Variants in KLF8 observed in about 807,000 individuals in gnomAD.
The protein encoded by KLF8 is Krueppel-like factor 8.
In KLF8, 10 loss-of-function variants were observed where a neutral mutation model predicts 18.2. That is an observed-to-expected ratio of 0.55 (90% CI 0.34 to 0.93). The LOEUF is 0.93. KLF8 is among the 40% of genes least tolerant of loss of function. KLF8 has a pLI of 0.02. For missense variants in KLF8, 264 were observed against 277.9 expected (o/e 0.95, Z 0.36); for synonymous variants, 109 against 97.3 (o/e 1.12, Z -0.71).
At chrX:56,103,813 G>A in the KLF8 span, among the ~76,000 whole-genome samples, 1 of 111,273 alleles carries the variant, frequency 9.0e-6, no homozygotes, top group Non-Finnish European at 1.9e-5. Flanking sequence ...AATGCTTCCA[G>A]TTTTTGCCCA....
At chrX:56,203,594 AC>A in the KLF8 span, among the ~76,000 whole-genome samples, 1 of 112,359 alleles carries the variant, frequency 8.9e-6, no homozygotes, top group Non-Finnish European at 1.9e-5. Context: ...TTTTGATTTT[AC>A]TTTCGTATAT....
upstream of KLF8, among the ~76,000 whole-genome samples, chrX:56,231,621 G>T (rs73490537): frequency 2.7e-5 from 3 of 111,520 alleles, no homozygotes; most frequent in Non-Finnish European, 3.8e-5. Flanking sequence ...ATGGGCTGTG[G>T]TTGCTTGTGA....
At chrX:56,181,311 T>C in the KLF8 span, among the ~76,000 whole-genome samples, 4 of 111,333 alleles carry the variant, frequency 3.6e-5, no homozygotes, top group South Asian at 1.1e-3. Flanking sequence ...TTTTCCATTT[T>C]CTTGGTAGAT....
chrX:55,939,948 C>A, the KLF8 span, among the ~76,000 whole-genome samples: 1 of 111,791 alleles, frequency 8.9e-6, no homozygotes, highest in Non-Finnish European at 1.9e-5. Flanking sequence ...ACCAGAGGTA[C>A]AAGGAGGAGC....
chrX:56,135,559 G>A, the KLF8 span, among the ~76,000 whole-genome samples: 9 of 110,575 alleles, frequency 8.1e-5, no homozygotes, highest in African/African-American at 3.0e-4. Flanking sequence ...TGTGGGGTGG[G>A]GGACGGGAGA....
chrX:56,150,413 G>A, the KLF8 span, among the ~76,000 whole-genome samples: 1 of 112,123 alleles, frequency 8.9e-6, no homozygotes, highest in African/African-American at 3.2e-5. Flanking sequence ...CTTAAATGCT[G>A]CTTTGATGTC....
the KLF8 span, among the ~76,000 whole-genome samples, chrX:56,171,186 C>A: frequency 6.3e-5 from 7 of 111,577 alleles, no homozygotes; most frequent in African/African-American, 2.3e-4. Flanking sequence ...AACAAAGAAT[C>A]CATCAAAAAC....
the KLF8 span, among the ~76,000 whole-genome samples, chrX:55,980,368 T>C: frequency 9.0e-6 from 1 of 111,716 alleles, no homozygotes; most frequent in African/African-American, 3.3e-5. Context: ...ATGTCTCAGA[T>C]GGGGACAATA....
At chrX:55,911,318 C>G in the KLF8 span, among the ~76,000 whole-genome samples, 1 of 110,915 alleles carries the variant, frequency 9.0e-6, no homozygotes, top group East Asian at 2.8e-4. Context: ...ACCTGCAGTT[C>G]AAACCTGTGT....
chrX:56,053,369 A>G, the KLF8 span, among the ~76,000 whole-genome samples: 24 of 111,007 alleles, frequency 2.2e-4, no homozygotes, highest in African/African-American at 7.5e-4. Context: ...AATGTACTTG[A>G]TCTTGGTGGA....
chrX:56,191,711 G>C, the KLF8 span, among the ~76,000 whole-genome samples: 1 of 111,338 alleles, frequency 9.0e-6, no homozygotes, highest in Non-Finnish European at 1.9e-5. Context: ...ATTCGTTCTT[G>C]TATTGAAATG....
intron 5 of KLF8, 109 bp downstream of exon 5, chrX:56,270,430 G>A (rs2067041947): frequency 1.1e-6 from 1 of 876,769 alleles, no homozygotes. Flanking sequence ...GAGGGGCAGA[G>A]AGAGAGAGAG....
the KLF8 span, among the ~76,000 whole-genome samples, chrX:56,047,464 G>A: frequency 1.0e-5 from 1 of 99,394 alleles, no homozygotes; most frequent in East Asian, 3.2e-4. Flanking sequence ...CCCTTCCTGT[G>A]TCCATGTGTT....
At chrX:55,981,599 A>C in the KLF8 span, among the ~76,000 whole-genome samples, 1 of 112,190 alleles carries the variant, frequency 8.9e-6, no homozygotes, top group Non-Finnish European at 1.9e-5. Flanking sequence ...TTGGAATTCA[A>C]TTTCTAGTAA....
the KLF8 span, among the ~76,000 whole-genome samples, chrX:55,923,640 G>A: frequency 3.3e-3 from 366 of 110,846 alleles, 3 homozygotes; most frequent in African/African-American, 0.011. Context: ...CACAGTTACC[G>A]AGGGTTAATA....
chrX:55,988,344 G>T, the KLF8 span, among the ~76,000 whole-genome samples: 168 of 111,204 alleles, frequency 1.5e-3, 1 homozygote, highest in African/African-American at 4.9e-3. Context: ...GGTCTAACAT[G>T]TAAGTCTTTA....
the KLF8 span, among the ~76,000 whole-genome samples, chrX:56,160,886 T>C: frequency 1.8e-5 from 2 of 111,642 alleles, no homozygotes; most frequent in African/African-American, 6.5e-5. Flanking sequence ...CTAGCCCATT[T>C]ACATTTAAGG....
chrX:56,029,272 G>A, the KLF8 span, among the ~76,000 whole-genome samples: 3 of 111,076 alleles, frequency 2.7e-5, no homozygotes, highest in Admixed American at 9.6e-5. Context: ...TCCTGTTCCC[G>A]GTAACTTCAG....
At chrX:56,140,808 A>G in the KLF8 span, among the ~76,000 whole-genome samples, 1 of 104,915 alleles carries the variant, frequency 9.5e-6, no homozygotes, top group Non-Finnish European at 1.9e-5. Flanking sequence ...AAAAAAAAAA[A>G]AAAAAAAAAA....
Sources: allele counts gnomAD v4.1 joint callset (sites outside exome capture counted in the v4.1 genomes callset), GRCh38; gene constraint gnomAD v4.1.1; transcripts MANE v1.5; gene names NCBI Gene and HGNC (gene_info 2026-07-23, HGNC 2026-07-21).